Variants in LIPC observed in about 807,000 individuals in gnomAD.
LIPC encodes the protein hepatic triacylglycerol lipase.
A neutral mutation model predicts 50.7 loss-of-function variants in LIPC; 44 were observed. The observed-to-expected ratio is 0.87, with a 90% CI of 0.68 to 1.11. The LOEUF (loss-of-function observed/expected upper bound fraction) is 1.11. Among genes scored for constraint, LIPC ranks in the 50% most tolerant of loss-of-function variants. LIPC has a pLI of 0.00. For synonymous variants in LIPC, 271 were observed against 256.4 expected, an observed-to-expected ratio of 1.06 and a Z score of -0.54; for missense variants, 697 against 648.2, an observed-to-expected ratio of 1.08 and a Z score of -0.82.
intron 1 of LIPC, among the ~76,000 whole-genome samples, chr15:58,520,740 A>T (rs1892629518): frequency 6.6e-6 from 1 of 152,248 alleles, no homozygotes; most frequent in Admixed American, 6.5e-5. Context: ...CTCTCGGGCC[A>T]GCAGGAAGCC....
intron 5 of LIPC, among the ~76,000 whole-genome samples, chr15:58,547,307 G>C (rs1893565835): frequency 6.6e-6 from 1 of 152,174 alleles, no homozygotes; most frequent in African/African-American, 2.4e-5. Context: ...GGATGAGCTT[G>C]GGTGAGTTAG....
intron 1 of LIPC, among the ~76,000 whole-genome samples, chr15:58,445,082 C>G (rs772182848): frequency 6.6e-6 from 1 of 152,136 alleles, no homozygotes; most frequent in Non-Finnish European, 1.5e-5. Context: ...GCTGGCCGGC[C>G]GCTAGCAGGG....
intron 6 of LIPC, among the ~76,000 whole-genome samples, chr15:58,555,492 G>C (rs753457895): frequency 3.4e-4 from 52 of 152,172 alleles, no homozygotes; most frequent in Non-Finnish European, 6.6e-4. Flanking sequence ...GATATAGAAA[G>C]AGTCTTTTGG....
intron 1 of LIPC, among the ~76,000 whole-genome samples, chr15:58,459,071 G>GGA (rs1298404954): frequency 6.6e-6 from 1 of 152,182 alleles, no homozygotes; most frequent in Non-Finnish European, 1.5e-5. Flanking sequence ...ATTCCAAGAG[G>GGA]GAGAGATGGT....
chr15:58,456,966 A>G (rs1305741652), intron 1 of LIPC, among the ~76,000 whole-genome samples: 1 of 152,218 alleles, frequency 6.6e-6, no homozygotes, highest in East Asian at 1.9e-4. Context: ...TACCCAGGGA[A>G]ACAGAGCTAA....
intron 1 of LIPC, among the ~76,000 whole-genome samples, chr15:58,511,849 G>A (rs1035238670): frequency 4.6e-5 from 7 of 152,168 alleles, no homozygotes; most frequent in East Asian, 1.9e-4. Context: ...ACAACCACAC[G>A]TTAGGATTCT....
intron 1 of LIPC, among the ~76,000 whole-genome samples, chr15:58,527,216 T>C (rs772988130): frequency 6.6e-6 from 1 of 152,258 alleles, no homozygotes; most frequent in Non-Finnish European, 1.5e-5. Context: ...TTTGCTTTTT[T>C]AGCCAGTTGT....
intron 1 of LIPC, among the ~76,000 whole-genome samples, chr15:58,513,558 G>A (rs1223745230): frequency 6.6e-6 from 1 of 152,148 alleles, no homozygotes; most frequent in Non-Finnish European, 1.5e-5. Context: ...CCTCAGAACA[G>A]CAGAGGGAAA....
chr15:58,441,960 C>G (rs1893522163), intron 1 of LIPC, among the ~76,000 whole-genome samples: 1 of 152,176 alleles, frequency 6.6e-6, no homozygotes, highest in African/African-American at 2.4e-5. Context: ...GGCATTGTCT[C>G]TGTTCACTTG....
At chr15:58,514,246 C>G (rs1892418632) in intron 1 of LIPC, among the ~76,000 whole-genome samples, 1 of 152,204 alleles carries the variant, frequency 6.6e-6, no homozygotes, top group African/African-American at 2.4e-5. Flanking sequence ...GGCTGAGCAT[C>G]TGTGGAAGGT....
At chr15:58,511,346 A>G (rs1892325137) in intron 1 of LIPC, among the ~76,000 whole-genome samples, 1 of 151,812 alleles carries the variant, frequency 6.6e-6, no homozygotes, top group South Asian at 2.1e-4. Context: ...ATCCTCACTA[A>G]CCCCAAGGCC....
chr15:58,490,644 T>C (rs1474522007), intron 1 of LIPC, among the ~76,000 whole-genome samples: 2 of 152,266 alleles, frequency 1.3e-5, no homozygotes, highest in Admixed American at 6.5e-5. Flanking sequence ...CACTCTCCAG[T>C]GAATATAAAT....
intron 1 of LIPC, among the ~76,000 whole-genome samples, chr15:58,500,961 T>C (rs939551102): frequency 6.6e-5 from 10 of 151,996 alleles, no homozygotes; most frequent in African/African-American, 9.7e-5. Flanking sequence ...TTGGGGTGCA[T>C]TGCTCCCATT....
chr15:58,524,457 T>C (rs1331925220), intron 1 of LIPC, among the ~76,000 whole-genome samples: 1 of 152,234 alleles, frequency 6.6e-6, no homozygotes, highest in Non-Finnish European at 1.5e-5. Flanking sequence ...TAGAGTCCCA[T>C]GCAGGAAATG....
chr15:58,542,632 C>T lies in LIPC; in HGVS notation c.555C>T (p.His185=). 1 of 1,612,318 alleles carries T rather than the reference C, an allele frequency of 6.2e-7. No individual in the cohort carries two copies. Among genetic ancestry groups the T allele is most frequent in the East Asian group, 2.2e-5 (1 of 44,842 alleles). ...GFAGSSIGGT[H]KIGRITGLDA... ...CCGGCAGTTCCATCGGTGGAACGCA[C>T]AAGATTGGGAGAATCACAGGTAACC... The change falls in exon 4 of 9, where the codon CAC becomes CAT. Residue 185 remains histidine, a synonymous_variant. Coordinates refer to ENST00000299022, the MANE Select transcript of LIPC (RefSeq NM_000236.3).
intron 1 of LIPC, among the ~76,000 whole-genome samples, chr15:58,468,748 G>A (rs1381975279): frequency 1.3e-5 from 2 of 152,164 alleles, no homozygotes; most frequent in Non-Finnish European, 2.9e-5. Flanking sequence ...AGACAGCCTG[G>A]ACTGACAACC....
chr15:58,492,768 C>T (rs12910028), intron 1 of LIPC, among the ~76,000 whole-genome samples: 17,128 of 152,226 alleles, frequency 0.11, 1,187 homozygotes, highest in Non-Finnish European at 0.16. Flanking sequence ...GTTTCACTCA[C>T]CCCCCTCCTT....
chr15:58,567,348 T>TATATATATATAC (rs1566955248), intron 8 of LIPC, among the ~76,000 whole-genome samples: 7 of 79,882 alleles, frequency 8.8e-5, no homozygotes, highest in Admixed American at 1.3e-4. Context: ...TGTATATGTA[T>TATATATATATAC]ATATATATAT....
chr15:58,447,685 G>C (rs1328727760), intron 1 of LIPC, among the ~76,000 whole-genome samples: 1 of 152,212 alleles, frequency 6.6e-6, no homozygotes, highest in Admixed American at 6.5e-5. Flanking sequence ...CATCTGGAGA[G>C]CTTGATACAA....
Sources: gnomAD v4.1 joint callset for allele counts (sites outside exome capture counted in the v4.1 genomes callset) on GRCh38, gnomAD v4.1.1 for gene constraint, MANE v1.5 for transcripts, NCBI Gene and HGNC (gene_info 2026-07-23, HGNC 2026-07-21) for gene names.